EVI5: variants seen among roughly 807,000 people sequenced by gnomAD.
EVI5 encodes ecotropic viral integration site 5, also known as ecotropic viral integration site 5 protein homolog.
Under a neutral mutation model 112.0 loss-of-function variants are expected in EVI5, and 73 were observed. The observed-to-expected ratio is 0.65, with a 90% CI of 0.54 to 0.79. EVI5 has a LOEUF of 0.79. Among genes scored for constraint, EVI5 ranks in the 30% least tolerant of loss-of-function variants. EVI5 has a pLI of 0.00. For synonymous variants in EVI5, 305 were observed against 319.9 expected, an observed-to-expected ratio of 0.95 and a Z score of 0.50; for missense variants, 900 against 968.8, an observed-to-expected ratio of 0.93 and a Z score of 0.94.
At chr1:92,668,704 T>C (rs952021523) in intron 10 of EVI5, among the ~76,000 whole-genome samples, 3 of 152,212 alleles carry the variant, frequency 2.0e-5, no homozygotes, top group Admixed American at 2.0e-4. Context: ...ACTTCCTCAT[T>C]TGTATAATAT....
intron 19 of EVI5, among the ~76,000 whole-genome samples, chr1:92,522,960 G>C (rs1381614587): frequency 6.6e-6 from 1 of 151,938 alleles, no homozygotes; most frequent in East Asian, 1.9e-4. Flanking sequence ...GGTTTCACTC[G>C]GTTGCCCAGG....
chr1:92,698,010 C>G (rs371318246), intron 5 of EVI5, 25 bp from the exon 6 acceptor site: 4 of 1,597,602 alleles, frequency 2.5e-6, no homozygotes, highest in Non-Finnish European at 3.4e-6. Context: ...AAAAAAACAA[C>G]ATAGGTTAAT....
At chr1:92,517,296 C>T (rs1660074295) in intron 19 of EVI5, among the ~76,000 whole-genome samples, 1 of 152,180 alleles carries the variant, frequency 6.6e-6, no homozygotes, top group East Asian at 1.9e-4. Context: ...AGAGATGACT[C>T]AAAGTATATG....
At chr1:92,555,614 C>T (rs554033099) in intron 19 of EVI5, among the ~76,000 whole-genome samples, 10 of 152,030 alleles carry the variant, frequency 6.6e-5, no homozygotes, top group Non-Finnish European at 1.3e-4. Flanking sequence ...CTTTGGGAGG[C>T]CGAGGGGCAC....
At chr1:92,718,743 G>A (rs139743588) in intron 2 of EVI5, among the ~76,000 whole-genome samples, 2,248 of 151,760 alleles carry the variant, frequency 0.015, 22 homozygotes, top group Non-Finnish European at 0.024. Flanking sequence ...AAAAAAAATC[G>A]GTGAATCCAG....
upstream of EVI5, among the ~76,000 whole-genome samples, chr1:92,785,506 C>A (rs1456566542): frequency 6.6e-6 from 1 of 152,228 alleles, no homozygotes; most frequent in Non-Finnish European, 1.5e-5. Context: ...CCAGAGGTGG[C>A]CTTAGGGCAC....
intron 19 of EVI5, among the ~76,000 whole-genome samples, chr1:92,515,883 GAT>G (rs1659780539): frequency 6.6e-6 from 1 of 152,178 alleles, no homozygotes; most frequent in Non-Finnish European, 1.5e-5. Flanking sequence ...TCAGAACAAT[GAT>G]GTCTGGCCCA....
At chr1:92,717,239 A>G (rs1673880749) in intron 2 of EVI5, among the ~76,000 whole-genome samples, 1 of 152,184 alleles carries the variant, frequency 6.6e-6, no homozygotes, top group Admixed American at 6.5e-5. Context: ...CCCAAGACAC[A>G]TAATTGTCAG....
chr1:92,525,152 C>T (rs1306939581), intron 19 of EVI5, among the ~76,000 whole-genome samples: 1 of 151,922 alleles, frequency 6.6e-6, no homozygotes, highest in East Asian at 1.9e-4. Flanking sequence ...TTTAATACAA[C>T]TCAACAGCCA....
chr1:92,702,637 C>A (rs932342663), intron 4 of EVI5, among the ~76,000 whole-genome samples: 3 of 151,692 alleles, frequency 2.0e-5, no homozygotes, highest in Non-Finnish European at 4.4e-5. Context: ...GAAACCCTGT[C>A]TCTACTAAAA....
intron 13 of EVI5, among the ~76,000 whole-genome samples, chr1:92,656,538 A>G (rs78197545): frequency 0.011 from 1,733 of 152,098 alleles, 42 homozygotes; most frequent in African/African-American, 0.039. Context: ...CAAAGACCAT[A>G]GCAGAACTAA....
intron 14 of EVI5, among the ~76,000 whole-genome samples, chr1:92,628,371 T>C (rs1656156919): frequency 6.6e-6 from 1 of 152,236 alleles, no homozygotes; most frequent in African/African-American, 2.4e-5. Context: ...TTGCATTTGA[T>C]TTTGGGTTCT....
At chr1:92,598,643 A>G (rs1356047184) in intron 18 of EVI5, among the ~76,000 whole-genome samples, 1 of 152,200 alleles carries the variant, frequency 6.6e-6, no homozygotes, top group Non-Finnish European at 1.5e-5. Context: ...ATAGAACCTT[A>G]GAGTTCAACT....
At chr1:92,584,489 A>G (rs922645664) in intron 18 of EVI5, among the ~76,000 whole-genome samples, 2 of 152,226 alleles carry the variant, frequency 1.3e-5, no homozygotes, top group African/African-American at 4.8e-5. Flanking sequence ...AATCACTCTG[A>G]TTAATCAACA....
chr1:92,543,411 G>C (rs752957077), intron 19 of EVI5, among the ~76,000 whole-genome samples: 2 of 152,172 alleles, frequency 1.3e-5, no homozygotes, highest in Non-Finnish European at 2.9e-5. Flanking sequence ...CCTTGCACTG[G>C]ATTAGGCTTT....
chr1:92,744,598 TCTCACACACA>T (rs1212999654), intron 1 of EVI5, among the ~76,000 whole-genome samples: 846 of 58,534 alleles, frequency 0.014, 4 homozygotes, highest in African/African-American at 0.042. Flanking sequence ...TCTCTCTCTC[TCTCACACACA>T]CACACACACA....
chr1:92,754,975 G>A (rs2391194), intron 1 of EVI5, among the ~76,000 whole-genome samples: 139,906 of 152,182 alleles, frequency 0.92, 64,375 homozygotes, highest in East Asian at 0.97. Flanking sequence ...AAACATACAT[G>A]TAAGTATAAT....
At chr1:92,672,736 A>C (rs1666076819) in intron 10 of EVI5, among the ~76,000 whole-genome samples, 1 of 152,204 alleles carries the variant, frequency 6.6e-6, no homozygotes, top group African/African-American at 2.4e-5. Flanking sequence ...TGTTAAATGA[A>C]GTGTTATTGA....
intron 19 of EVI5, among the ~76,000 whole-genome samples, chr1:92,518,728 C>T (rs1660385861): frequency 6.6e-6 from 1 of 151,774 alleles, no homozygotes; most frequent in African/African-American, 2.4e-5. Flanking sequence ...CTGAAAAGGC[C>T]TAGCAAGTGT....
Sources: allele counts gnomAD v4.1 joint callset (sites outside exome capture counted in the v4.1 genomes callset), GRCh38; gene constraint gnomAD v4.1.1; transcripts MANE v1.5; gene names NCBI Gene and HGNC (gene_info 2026-07-23, HGNC 2026-07-21).